The following NPAS3 variants were observed in gnomAD, a reference collection of about 807,000 sequenced individuals.
NPAS3 encodes neuronal PAS domain protein 3, also known as neuronal PAS domain-containing protein 3.
In NPAS3, 14 loss-of-function variants were observed where a neutral mutation model predicts 73.1. The ratio of observed to expected loss-of-function variants is 0.19; its 90% CI spans 0.13 to 0.30. The LOEUF (loss-of-function observed/expected upper bound fraction) is 0.30, where lower values mean the gene tolerates loss of function less well. Ranked by LOEUF, NPAS3 falls within the 10% of genes least tolerant of loss-of-function variation. NPAS3 has a pLI of 1.00. For missense variants in NPAS3, 1,096 were observed against 1,250.0 expected, an observed-to-expected ratio of 0.88 and a Z score of 1.86; for synonymous variants, 620 against 541.5, an observed-to-expected ratio of 1.14 and a Z score of -2.01.
intron 5 of NPAS3, among the ~76,000 whole-genome samples, chr14:33,626,458 G>C (rs1342646877): frequency 6.6e-6 from 1 of 152,188 alleles, no homozygotes; most frequent in African/African-American, 2.4e-5. Context: ...ACGTCCCACT[G>C]TGTTTGAGGC....
At position 33,380,767 on chromosome 14, in the gene NPAS3, G is replaced by A. The variant is rs980119105; in HGVS notation, c.468+13499G>A. On this transcript the variant is annotated intron_variant, in intron 4 of 11. Transcript: ENST00000356141. ...TGGACTGCCCTCACAGAGGAGCCTC[G>A]TTGAATTCCCATGAGGCTGGGTAAC... Among the ~76,000 whole-genome samples, 8 of 152,118 alleles carry A rather than the reference G, an allele frequency of 5.3e-5. No individual in the cohort carries two copies. In the South Asian group the frequency reaches 8.3e-4, roughly 16 times the overall value.
intron 1 of NPAS3, among the ~76,000 whole-genome samples, chr14:33,034,639 A>G (rs962157475): frequency 6.6e-6 from 1 of 152,104 alleles, no homozygotes; most frequent in Non-Finnish European, 1.5e-5. Flanking sequence ...AAAATGCACT[A>G]TTGGGCTTGG....
At chr14:33,443,939 A>G (rs1463449951) in intron 4 of NPAS3, among the ~76,000 whole-genome samples, 1 of 152,216 alleles carries the variant, frequency 6.6e-6, no homozygotes, top group Non-Finnish European at 1.5e-5. Context: ...ATAGATGCTG[A>G]GGCAACATAA....
At chr14:33,772,940 G>A (rs1003706862) in intron 7 of NPAS3, among the ~76,000 whole-genome samples, 2 of 152,170 alleles carry the variant, frequency 1.3e-5, no homozygotes, top group African/African-American at 4.8e-5. Flanking sequence ...CAGATCCACA[G>A]CTGTGGGCGC....
intron 6 of NPAS3, among the ~76,000 whole-genome samples, chr14:33,723,711 T>A (rs1339866412): frequency 7.1e-5 from 1 of 13,992 alleles, no homozygotes; most frequent in Non-Finnish European, 1.5e-4. Flanking sequence ...CAATACTTCC[T>A]CTCAAAAAAA....
chr14:33,011,902 G>A (rs922233012), intron 1 of NPAS3, among the ~76,000 whole-genome samples: 1 of 151,988 alleles, frequency 6.6e-6, no homozygotes, highest in Non-Finnish European at 1.5e-5. Context: ...GAAAGGCCAG[G>A]GTTCATGTGC....
chr14:33,503,678 T>C (rs1266316011), intron 4 of NPAS3, among the ~76,000 whole-genome samples: 1 of 151,962 alleles, frequency 6.6e-6, no homozygotes, highest in Non-Finnish European at 1.5e-5. Flanking sequence ...CTGCATGTTC[T>C]AGAGAGCTTG....
intron 4 of NPAS3, among the ~76,000 whole-genome samples, chr14:33,370,384 A>G (rs575055444): frequency 5.0e-4 from 76 of 152,322 alleles, no homozygotes; most frequent in African/African-American, 1.8e-3. Context: ...CATCAGACAC[A>G]AAAGCATGTA....
intron 4 of NPAS3, among the ~76,000 whole-genome samples, chr14:33,509,854 CATT>C (rs1374278221): frequency 6.6e-6 from 1 of 152,036 alleles, no homozygotes; most frequent in Non-Finnish European, 1.5e-5. Flanking sequence ...ATGACTTTGT[CATT>C]AGAATCTCTT....
chr14:33,404,256 T>C (rs1400295128), intron 4 of NPAS3, among the ~76,000 whole-genome samples: 1 of 152,070 alleles, frequency 6.6e-6, no homozygotes, highest in Non-Finnish European at 1.5e-5. Flanking sequence ...ATACTACGTG[T>C]GGTAGGAATG....
intron 4 of NPAS3, among the ~76,000 whole-genome samples, chr14:33,504,923 A>T (rs960287412): frequency 2.6e-5 from 4 of 152,058 alleles, no homozygotes; most frequent in African/African-American, 4.8e-5. Flanking sequence ...GGAATTAGGC[A>T]AAAGAAATGG....
chr14:33,369,016 G>A (rs1240156663), intron 4 of NPAS3, among the ~76,000 whole-genome samples: 1 of 152,126 alleles, frequency 6.6e-6, no homozygotes, highest in African/African-American at 2.4e-5. Flanking sequence ...TATGAGTAAG[G>A]TGTCTCAGTA....
At chr14:32,935,319 C>A (rs978255688), upstream of NPAS3, among the ~76,000 whole-genome samples, 1 of 152,186 alleles carries the variant, frequency 6.6e-6, no homozygotes, top group Non-Finnish European at 1.5e-5. Context: ...AGTTTAGGAT[C>A]CTCATCCCTT....
chr14:33,268,568 C>T (rs2040925502), intron 3 of NPAS3, among the ~76,000 whole-genome samples: 1 of 152,022 alleles, frequency 6.6e-6, no homozygotes, highest in Admixed American at 6.6e-5. Context: ...TGTAACCACT[C>T]CTCTACTGGT....
chr14:33,080,342 G>A (rs138145070), intron 2 of NPAS3, among the ~76,000 whole-genome samples: 2,398 of 152,052 alleles, frequency 0.016, 30 homozygotes, highest in Non-Finnish European at 0.025. Flanking sequence ...TCCTGACCTC[G>A]TGATCCGCCT....
chr14:33,651,843 A>G (rs2059004177), intron 5 of NPAS3, among the ~76,000 whole-genome samples: 1 of 152,172 alleles, frequency 6.6e-6, no homozygotes, highest in Non-Finnish European at 1.5e-5. Context: ...CTTTTCCTAG[A>G]AATAACATTT....
intron 3 of NPAS3, among the ~76,000 whole-genome samples, chr14:33,341,475 T>C (rs1237219575): frequency 1.3e-5 from 2 of 152,102 alleles, no homozygotes; most frequent in South Asian, 4.1e-4. Context: ...TAAACCAAAC[T>C]GTGTAGGCCA....
intron 1 of NPAS3, among the ~76,000 whole-genome samples, chr14:32,972,506 A>G (rs74041755): frequency 5.3e-5 from 8 of 152,350 alleles, no homozygotes; most frequent in African/African-American, 1.9e-4. Context: ...ATAAAAGACT[A>G]GTTAAACTAA....
At chr14:33,551,729 A>C (rs2055125832) in intron 4 of NPAS3, among the ~76,000 whole-genome samples, 1 of 152,144 alleles carries the variant, frequency 6.6e-6, no homozygotes, top group Admixed American at 6.5e-5. Flanking sequence ...ATGTGGTTCT[A>C]CTAGGGATTA....
Sources: allele counts gnomAD v4.1 joint callset (sites outside exome capture counted in the v4.1 genomes callset), GRCh38; gene constraint gnomAD v4.1.1; transcripts MANE v1.5; gene names NCBI Gene and HGNC (gene_info 2026-07-23, HGNC 2026-07-21).